Variants in PALLD observed in about 807,000 individuals in gnomAD.
PALLD encodes the protein palladin, cytoskeletal associated protein.
In PALLD, 61 loss-of-function variants were observed where a neutral mutation model predicts 123.5. The observed-to-expected ratio is 0.49, with a 90% CI of 0.40 to 0.61. The LOEUF is 0.61. PALLD is among the 20% of genes least tolerant of loss of function. The probability of loss-of-function intolerance (pLI) is 0.00; values close to 1 mark genes in which losing one functional copy is unlikely to be tolerated. For synonymous variants in PALLD, 465 were observed against 496.4 expected (o/e 0.94, Z 0.84); for missense variants, 1,273 against 1,377.0 (o/e 0.92, Z 1.20).
At chr4:168,617,805 A>C (rs1000311790) in intron 2 of PALLD, among the ~76,000 whole-genome samples, 9 of 152,200 alleles carry the variant, frequency 5.9e-5, no homozygotes, top group Non-Finnish European at 1.2e-4. Context: ...AATAAATGGC[A>C]AATATTATGA....
intron 10 of PALLD, among the ~76,000 whole-genome samples, chr4:168,852,511 C>T (rs1747951604): frequency 6.6e-6 from 1 of 152,118 alleles, no homozygotes; most frequent in African/African-American, 2.4e-5. Context: ...TGCAGTAACT[C>T]ACACCTGTAG....
In PALLD at chr4:168,660,699, T is replaced by C. The variant is rs1779045223; in HGVS notation, c.909-7491T>C. ...AAAGAAATATGCCATCTTACAGAAC[T>C]ATAATGTTACAATCCTTTTTCCTTT... On this transcript the variant is annotated intron_variant, in intron 2 of 21. Coordinates refer to ENST00000505667, the MANE Select transcript of PALLD (RefSeq NM_001166108.2). Among the ~76,000 whole-genome samples, 3 of 152,150 alleles carry C rather than the reference T, an allele frequency of 2.0e-5. No homozygotes were observed. The South Asian group carries it at 6.2e-4, about 32-fold the overall frequency.
chr4:168,513,680 T>C (rs917477919), intron 2 of PALLD, among the ~76,000 whole-genome samples: 6 of 152,266 alleles, frequency 3.9e-5, no homozygotes, highest in African/African-American at 1.2e-4. Flanking sequence ...TTCTCATTTC[T>C]TAATTTTATA....
intron 10 of PALLD, among the ~76,000 whole-genome samples, chr4:168,741,206 A>T (rs2150347671): frequency 6.6e-6 from 1 of 152,346 alleles, no homozygotes; most frequent in Middle Eastern, 3.4e-3. Context: ...GGACACCAAA[A>T]ATGGAAGAAA....
intron 8 of PALLD, among the ~76,000 whole-genome samples, 165 bp downstream of exon 8, chr4:168,691,457 A>G (rs1463886098): frequency 1.3e-5 from 2 of 152,148 alleles, no homozygotes; most frequent in South Asian, 2.1e-4. Context: ...CTTCTTTATC[A>G]TGGAGTCTGT....
chr4:168,753,050 G>A (rs781387999), intron 10 of PALLD, among the ~76,000 whole-genome samples: 6 of 152,044 alleles, frequency 3.9e-5, no homozygotes, highest in African/African-American at 9.7e-5. Flanking sequence ...ATGGCAAAGC[G>A]AACAAGCAAG....
At chr4:168,859,948 A>G (rs1046395594) in intron 10 of PALLD, among the ~76,000 whole-genome samples, 1 of 152,252 alleles carries the variant, frequency 6.6e-6, no homozygotes, top group Non-Finnish European at 1.5e-5. Context: ...ATTTTCCAAT[A>G]TCTTTTTAAA....
chr4:168,601,730 T>C (rs1419315886), intron 2 of PALLD, among the ~76,000 whole-genome samples: 2 of 152,122 alleles, frequency 1.3e-5, no homozygotes, highest in Non-Finnish European at 2.9e-5. Context: ...TCTCAGCAAT[T>C]GCACAGCTTG....
At chr4:168,612,683 A>G (rs1773853842) in intron 2 of PALLD, among the ~76,000 whole-genome samples, 1 of 152,194 alleles carries the variant, frequency 6.6e-6, no homozygotes, top group African/African-American at 2.4e-5. Context: ...CATCCAAGAG[A>G]AACAGAGATG....
At chr4:168,887,563 G>A (rs1157279312) in intron 10 of PALLD, among the ~76,000 whole-genome samples, 2 of 152,148 alleles carry the variant, frequency 1.3e-5, no homozygotes, top group Non-Finnish European at 2.9e-5. Context: ...GTTGTTCTAT[G>A]GTCTACATCG....
rs570586908 is a variant in PALLD, at chr4:168,776,420, A to G, written c.1964+64497A>G. On this transcript the variant is annotated intron_variant, in intron 10 of 21. Transcript: ENST00000505667. ...GTAGCATTTTTATAGATTCCATTGGATTTCTACATAATAGTGTTGTTTGCA... is the reference window on the plus strand; with the variant it reads ...GTAGCATTTTTATAGATTCCATTGGGTTTCTACATAATAGTGTTGTTTGCA... Among the ~76,000 whole-genome samples, 4 of 152,282 alleles carry G rather than the reference A, an allele frequency of 2.6e-5. No individual in the cohort carries two copies. The South Asian group carries it at 8.3e-4, about 32-fold the overall frequency.
At chr4:168,527,422 C>CAAAAAAAAAAAAAAAA (rs35555541) in intron 2 of PALLD, among the ~76,000 whole-genome samples, 1,116 of 52,850 alleles carry the variant, frequency 0.021, 152 homozygotes, top group African/African-American at 0.035. Flanking sequence ...AACTCCATCT[C>CAAAAAAAAAAAAAAAA]AAAAAAAAAA....
chr4:168,545,091 C>A (rs13121394), intron 2 of PALLD, among the ~76,000 whole-genome samples: 51,887 of 152,046 alleles, frequency 0.34, 9,930 homozygotes, highest in East Asian at 0.68. Flanking sequence ...GAAATAATCC[C>A]GGAGCTCAGA....
rs139886383 is a variant in PALLD at position 168,544,535 on chromosome 4, C to A, written c.908+32123C>A. ...GTTATTATAAATAAATTAAGCCAAC[C>A]ATTTACTTAGAATTTTTTATCCTAA... On this transcript the variant is annotated intron_variant, in intron 2 of 21. Coordinates refer to ENST00000505667, the MANE Select transcript of PALLD (RefSeq NM_001166108.2). Among the ~76,000 whole-genome samples, 807 of 152,242 alleles carry A rather than the reference C, an allele frequency of 5.3e-3. 1 individual carries two copies. The highest frequency in any genetic ancestry group is 7.8e-3 in the Non-Finnish European group (533 of 68,020).
intron 14 of PALLD, among the ~76,000 whole-genome samples, chr4:168,900,813 G>C (rs569010387): frequency 6.6e-6 from 1 of 152,070 alleles, no homozygotes; most frequent in Non-Finnish European, 1.5e-5. Flanking sequence ...GTTATCAAAC[G>C]CATGTATTAA....
intron 2 of PALLD, among the ~76,000 whole-genome samples, chr4:168,661,716 T>C (rs1030523429): frequency 6.6e-6 from 1 of 152,250 alleles, no homozygotes; most frequent in African/African-American, 2.4e-5. Flanking sequence ...ATCAGTAGGC[T>C]TTGTTAAAAC....
intron 10 of PALLD, among the ~76,000 whole-genome samples, chr4:168,790,236 A>T (rs1426387455): frequency 1.4e-5 from 2 of 147,004 alleles, no homozygotes; most frequent in Non-Finnish European, 3.0e-5. Context: ...ATCTCAGCTC[A>T]CTGCAACCAC....
intron 10 of PALLD, among the ~76,000 whole-genome samples, chr4:168,724,077 T>C (rs1268899313): frequency 6.6e-6 from 1 of 152,112 alleles, no homozygotes; most frequent in Non-Finnish European, 1.5e-5. Flanking sequence ...GTATTTCTAG[T>C]AGAGACAGGG....
intron 1 of PALLD, among the ~76,000 whole-genome samples, chr4:168,505,121 C>T (rs554236172): frequency 3.3e-5 from 5 of 152,306 alleles, no homozygotes; most frequent in South Asian, 4.1e-4. Context: ...GCTTGGAAAC[C>T]GCCCTTGTTC....
Sources: gnomAD v4.1 joint callset for allele counts (sites outside exome capture counted in the v4.1 genomes callset) on GRCh38, gnomAD v4.1.1 for gene constraint, MANE v1.5 for transcripts, NCBI Gene and HGNC (gene_info 2026-07-23, HGNC 2026-07-21) for gene names.